Variants in LRRC37A2 observed in about 807,000 individuals in gnomAD.
LRRC37A2 encodes the protein leucine-rich repeat-containing protein 37A2.
A neutral mutation model predicts 68.8 loss-of-function variants in LRRC37A2; 9 were observed. The ratio of observed to expected loss-of-function variants is 0.13; its 90% CI spans 0.08 to 0.23. The LOEUF is 0.23. LRRC37A2 is among the 10% of genes least tolerant of loss of function. The pLI is 1.00. For missense variants in LRRC37A2, 168 were observed against 950.4 expected (o/e 0.18, Z 10.82); for synonymous variants, 63 against 367.6 (o/e 0.17, Z 9.48).
the LRRC37A2 span, among the ~76,000 whole-genome samples, chr17:46,770,801 T>G: frequency 6.6e-6 from 1 of 152,200 alleles, no homozygotes; most frequent in Non-Finnish European, 1.5e-5. Context: ...TGCTCCAGCC[T>G]CCTCACAACG....
the LRRC37A2 span, among the ~76,000 whole-genome samples, chr17:46,816,778 C>T: frequency 4.6e-5 from 7 of 152,146 alleles, no homozygotes; most frequent in Non-Finnish European, 8.8e-5. Flanking sequence ...ACCTATGGGC[C>T]GCCAAACCTT....
At chr17:46,716,393 A>C in the LRRC37A2 span, among the ~76,000 whole-genome samples, 1 of 151,872 alleles carries the variant, frequency 6.6e-6, no homozygotes, top group African/African-American at 2.4e-5. Flanking sequence ...AGTAGCTGGG[A>C]CTACAGGCAC....
the LRRC37A2 span, among the ~76,000 whole-genome samples, chr17:46,894,546 G>C: frequency 0.011 from 1,659 of 152,358 alleles, 40 homozygotes; most frequent in African/African-American, 0.038. Flanking sequence ...GACTTCAGCT[G>C]CCCTCCCCAT....
the LRRC37A2 span, among the ~76,000 whole-genome samples, chr17:46,900,202 T>TACATACATATATATATACACAC: frequency 2.0e-5 from 2 of 101,172 alleles, no homozygotes; most frequent in African/African-American, 5.1e-5. Flanking sequence ...TATATATATA[T>TACATACATATATATATACACAC]ACACACACAC....
At chr17:46,906,145 T>G in the LRRC37A2 span, among the ~76,000 whole-genome samples, 1 of 152,132 alleles carries the variant, frequency 6.6e-6, no homozygotes, top group African/African-American at 2.4e-5. Flanking sequence ...CCCCCACTCC[T>G]GAGATCCAGC....
the LRRC37A2 span, among the ~76,000 whole-genome samples, chr17:46,947,062 A>C: frequency 6.6e-6 from 1 of 151,856 alleles, no homozygotes. Context: ...CTGGGTTTGG[A>C]GTGGATTGTG....
At chr17:46,535,028 G>A (rs549831063) in intron 6 of LRRC37A2, among the ~76,000 whole-genome samples, 11 of 149,744 alleles carry the variant, frequency 7.3e-5, no homozygotes, top group Admixed American at 2.6e-4. Flanking sequence ...GGGCAGAGGC[G>A]CTCCTCACAT....
the LRRC37A2 span, among the ~76,000 whole-genome samples, chr17:46,990,001 G>T: frequency 2.0e-5 from 3 of 152,186 alleles, no homozygotes; most frequent in African/African-American, 7.2e-5. Context: ...TCCGTTTTGG[G>T]GTTGTTACAC....
At chr17:46,742,537 G>A in the LRRC37A2 span, among the ~76,000 whole-genome samples, 7 of 152,290 alleles carry the variant, frequency 4.6e-5, no homozygotes, top group East Asian at 1.4e-3. Flanking sequence ...TATGTAAAAG[G>A]CGATCCAAAC....
chr17:47,024,688 G>T, the LRRC37A2 span: 1 of 858,730 alleles, frequency 1.2e-6, no homozygotes, highest in Non-Finnish European at 2.0e-6. Flanking sequence ...AGAATTCTCA[G>T]AGAAAATAAC....
downstream of LRRC37A2, among the ~76,000 whole-genome samples, chr17:46,558,669 G>T (rs2057426212): frequency 7.7e-6 from 1 of 130,696 alleles, no homozygotes; most frequent in Non-Finnish European, 1.6e-5. Context: ...GGGATTACAG[G>T]CATGAGTCAC....
the LRRC37A2 span, among the ~76,000 whole-genome samples, chr17:46,921,599 T>C: frequency 2.0e-5 from 3 of 152,148 alleles, no homozygotes; most frequent in South Asian, 4.1e-4. Context: ...AAAGAGCTAA[T>C]ATCCAGAATC....
chr17:47,000,396 G>A, the LRRC37A2 span, among the ~76,000 whole-genome samples: 11 of 151,996 alleles, frequency 7.2e-5, no homozygotes, highest in South Asian at 4.2e-4. Context: ...CACCATGCCT[G>A]GCTAATTTTT....
the LRRC37A2 span, among the ~76,000 whole-genome samples, chr17:46,998,282 C>T: frequency 1.3e-5 from 2 of 152,208 alleles, no homozygotes; most frequent in Admixed American, 1.3e-4. Flanking sequence ...GCTGGGAGTC[C>T]TAATCCCGGC....
At chr17:46,954,894 C>G in the LRRC37A2 span, among the ~76,000 whole-genome samples, 1 of 152,182 alleles carries the variant, frequency 6.6e-6, no homozygotes, top group Non-Finnish European at 1.5e-5. Context: ...GCTGAAGTTG[C>G]TTATCAGCTT....
chr17:46,973,887 C>G, the LRRC37A2 span, among the ~76,000 whole-genome samples: 518 of 152,334 alleles, frequency 3.4e-3, 3 homozygotes, highest in African/African-American at 0.012. Flanking sequence ...GCTGTACCCG[C>G]CACCTCGCAT....
At chr17:47,015,101 G>A in the LRRC37A2 span, among the ~76,000 whole-genome samples, 3 of 137,252 alleles carry the variant, frequency 2.2e-5, no homozygotes, top group Non-Finnish European at 4.6e-5. Flanking sequence ...TCCACCTCCC[G>A]GGTTCAAGTG....
chr17:46,724,931 C>T, the LRRC37A2 span, among the ~76,000 whole-genome samples: 1 of 152,108 alleles, frequency 6.6e-6, no homozygotes, highest in Non-Finnish European at 1.5e-5. Context: ...AATCAGATAT[C>T]TCCAACTTCT....
the LRRC37A2 span, among the ~76,000 whole-genome samples, chr17:47,030,957 C>T: frequency 1.3e-5 from 2 of 152,046 alleles, no homozygotes; most frequent in African/African-American, 4.8e-5. Context: ...TTCTCACTTG[C>T]ACAGGCCCTT....
Sources: allele counts gnomAD v4.1 joint callset (sites outside exome capture counted in the v4.1 genomes callset), GRCh38; gene constraint gnomAD v4.1.1; transcripts MANE v1.5; gene names NCBI Gene and HGNC (gene_info 2026-07-23, HGNC 2026-07-21).